The following AGBL4 variants were observed in gnomAD, a reference collection of about 807,000 sequenced individuals.
AGBL4 encodes AGBL carboxypeptidase 4.
Under a neutral mutation model 66.4 loss-of-function variants are expected in AGBL4, and 58 were observed. The ratio of observed to expected loss-of-function variants is 0.87; its 90% confidence interval spans 0.71 to 1.09. The LOEUF is 1.09. Among genes scored for constraint, AGBL4 ranks in the 50% least tolerant of loss-of-function variants. The pLI is 0.00. For synonymous variants in AGBL4, 234 were observed against 222.9 expected (o/e 1.05, Z -0.44); for missense variants, 579 against 631.0 (o/e 0.92, Z 0.88).
At chr1:48,592,058 C>T (rs1292351755) in intron 9 of AGBL4, among the ~76,000 whole-genome samples, 1 of 152,172 alleles carries the variant, frequency 6.6e-6, no homozygotes, top group Non-Finnish European at 1.5e-5. Flanking sequence ...CCCTCAAATC[C>T]AATCTTCCCT....
At chr1:49,868,610 A>G (rs1228518564) in intron 1 of AGBL4, among the ~76,000 whole-genome samples, 2 of 151,972 alleles carry the variant, frequency 1.3e-5, no homozygotes, top group Non-Finnish European at 2.9e-5. Context: ...AAATAACTCA[A>G]GATAAAGACT....
At chr1:49,486,101 T>C (rs569952092) in intron 3 of AGBL4, among the ~76,000 whole-genome samples, 3 of 151,920 alleles carry the variant, frequency 2.0e-5, no homozygotes, top group Admixed American at 2.0e-4. Flanking sequence ...GTGGAGTGAG[T>C]CCCACCTCTT....
intron 4 of AGBL4, among the ~76,000 whole-genome samples, chr1:49,103,705 A>C (rs532999153): frequency 1.3e-5 from 2 of 152,280 alleles, no homozygotes; most frequent in East Asian, 3.9e-4. Flanking sequence ...TGTGTTACTA[A>C]GAAGATTCTA....
At chr1:49,752,234 A>G (rs890414131) in intron 2 of AGBL4, among the ~76,000 whole-genome samples, 2 of 152,112 alleles carry the variant, frequency 1.3e-5, no homozygotes, top group Non-Finnish European at 2.9e-5. Context: ...TTCCCTCTTA[A>G]CACTGCTTTA....
chr1:48,954,295 G>A (rs1557496986), intron 5 of AGBL4, among the ~76,000 whole-genome samples: 1 of 152,188 alleles, frequency 6.6e-6, no homozygotes, highest in Non-Finnish European at 1.5e-5. Flanking sequence ...CATCATAGAT[G>A]AAAGCCATTT....
intron 3 of AGBL4, among the ~76,000 whole-genome samples, chr1:49,451,164 T>G (rs1005093479): frequency 2.6e-5 from 4 of 152,006 alleles, no homozygotes; most frequent in Non-Finnish European, 5.9e-5. Flanking sequence ...GTCACCCAAA[T>G]TTCTTGCTTC....
At chr1:49,191,761 C>T (rs1271613201) in intron 4 of AGBL4, among the ~76,000 whole-genome samples, 1 of 152,150 alleles carries the variant, frequency 6.6e-6, no homozygotes, top group African/African-American at 2.4e-5. Context: ...CGGCCCCCAG[C>T]TGCATCACTC....
At chr1:48,535,466 C>G (rs760125129) in intron 12 of AGBL4, among the ~76,000 whole-genome samples, 3 of 152,132 alleles carry the variant, frequency 2.0e-5, no homozygotes, top group Non-Finnish European at 4.4e-5. Flanking sequence ...TTGATGTGTA[C>G]GCTTTTTCTC....
In AGBL4 at chr1:48,948,512, G is replaced by A. The variant is rs547204506; in HGVS notation, c.595-81282C>T. ...TTGGCTGTTTCCTGAGATCTGTCAC[G>A]TCTTCCTCCCTACTAATGGGCTCAA... On this transcript the variant is annotated intron_variant, in intron 5 of 13. Transcript: ENST00000371839. Among the ~76,000 whole-genome samples, 73 of 152,238 alleles carry A rather than the reference G, an allele frequency of 4.8e-4. 1 individual carries two copies. Among genetic ancestry groups the A allele is most frequent in the African/African-American group, 1.5e-3 (62 of 41,540 alleles).
At chr1:48,682,076 G>A (rs893481976) in intron 6 of AGBL4, among the ~76,000 whole-genome samples, 9 of 152,256 alleles carry the variant, frequency 5.9e-5, no homozygotes, top group Admixed American at 5.2e-4. Flanking sequence ...TTAGGACACA[G>A]ACTTGTGTGA....
chr1:49,900,295 G>A (rs1649643187), intron 1 of AGBL4, among the ~76,000 whole-genome samples: 1 of 151,738 alleles, frequency 6.6e-6, no homozygotes, highest in African/African-American at 2.4e-5. Context: ...GCCCAGGCTG[G>A]AGTGCAATGG....
At chr1:48,970,712 G>A (rs1293094306) in intron 5 of AGBL4, among the ~76,000 whole-genome samples, 1 of 152,110 alleles carries the variant, frequency 6.6e-6, no homozygotes, top group African/African-American at 2.4e-5. Flanking sequence ...CTTTTCAGTT[G>A]CATACTATTT....
chr1:49,533,802 T>C (rs1651338030), intron 3 of AGBL4, among the ~76,000 whole-genome samples: 1 of 152,162 alleles, frequency 6.6e-6, no homozygotes, highest in Non-Finnish European at 1.5e-5. Context: ...CTGCTGGGTT[T>C]CTGATCCTGC....
chr1:49,355,882 G>A lies in AGBL4; in HGVS notation c.283-110018C>T, dbSNP rs145875135. On this transcript the variant is annotated intron_variant, in intron 3 of 13. Transcript: ENST00000371839. ...GCATGTCATTCTCAAAATGAAGCAGGTACCAATTAGTGATGAATTCGCCTT... is the reference window on the plus strand; with the variant it reads ...GCATGTCATTCTCAAAATGAAGCAGATACCAATTAGTGATGAATTCGCCTT... Among the ~76,000 whole-genome samples, 582 of 152,174 alleles carry A rather than the reference G, an allele frequency of 3.8e-3. 2 individuals carry two copies. Among genetic ancestry groups the A allele is most frequent in the Non-Finnish European group, 5.2e-3 (351 of 68,006 alleles).
intron 3 of AGBL4, among the ~76,000 whole-genome samples, chr1:49,509,722 T>A (rs1191949198): frequency 6.6e-6 from 1 of 151,984 alleles, no homozygotes; most frequent in Non-Finnish European, 1.5e-5. Flanking sequence ...GAATCTCAAT[T>A]TTTCTGCTTA....
At chr1:49,678,184 T>C (rs529600264) in intron 3 of AGBL4, among the ~76,000 whole-genome samples, 1 of 152,324 alleles carries the variant, frequency 6.6e-6, no homozygotes, top group Admixed American at 6.5e-5. Flanking sequence ...TTTTGTAACT[T>C]GTAGTGTTTG....
In AGBL4 at chr1:49,964,404, G is replaced by A. The variant is rs573242047; in HGVS notation, c.34+59359C>T. Among the ~76,000 whole-genome samples, 7 of 152,176 alleles carry A rather than the reference G, an allele frequency of 4.6e-5. No individual in the cohort carries two copies. The South Asian group carries it at 8.3e-4, about 18-fold the overall frequency. On this transcript the variant is annotated intron_variant, in intron 1 of 13. Transcript: ENST00000371839. ...GTATAATGTGTGTAAAAGCCTTAAC[G>A]TAGTACCTGAAGACCTGATCAAGAT...
intron 6 of AGBL4, among the ~76,000 whole-genome samples, chr1:48,705,192 C>A (rs1381041495): frequency 6.6e-6 from 1 of 152,010 alleles, no homozygotes; most frequent in Admixed American, 6.6e-5. Flanking sequence ...GTACTTTAAA[C>A]TTCTATATTA....
intron 4 of AGBL4, among the ~76,000 whole-genome samples, chr1:49,149,427 C>A (rs1646283014): frequency 6.6e-6 from 1 of 152,132 alleles, no homozygotes; most frequent in Non-Finnish European, 1.5e-5. Flanking sequence ...GCTTATTCTT[C>A]CTGCTGATGG....
Sources: allele counts gnomAD v4.1 joint callset (sites outside exome capture counted in the v4.1 genomes callset), GRCh38; gene constraint gnomAD v4.1.1; transcripts MANE v1.5; gene names NCBI Gene and HGNC (gene_info 2026-07-23, HGNC 2026-07-21).